The following PCSK6 variants were observed in gnomAD, a reference collection of about 807,000 sequenced individuals.
PCSK6 encodes paired basic amino acid cleaving enzyme 4.
Under a neutral mutation model 123.3 loss-of-function variants are expected in PCSK6, and 85 were observed. The observed-to-expected ratio is 0.69, with a 90% confidence interval of 0.58 to 0.83. The LOEUF is 0.83. Among genes scored for constraint, PCSK6 ranks in the 40% least tolerant of loss-of-function variants. The pLI is 0.00. For synonymous variants in PCSK6, 508 were observed against 516.0 expected (o/e 0.98, Z 0.21); for missense variants, 1,191 against 1,282.3 (o/e 0.93, Z 1.09).
intron 1 of PCSK6, among the ~76,000 whole-genome samples, chr15:101,471,794 T>C (rs529266845): frequency 5.5e-4 from 84 of 152,284 alleles, no homozygotes; most frequent in African/African-American, 2.0e-3. Context: ...CCGGTCAACC[T>C]CCAGCTTTCA....
chr15:101,446,620 G>A (rs1463891002), intron 1 of PCSK6, among the ~76,000 whole-genome samples: 1 of 152,140 alleles, frequency 6.6e-6, no homozygotes, highest in African/African-American at 2.4e-5. Flanking sequence ...AGAGACCCTA[G>A]AGCCCACGAG....
At chr15:101,403,428 T>A (rs1421067955) in intron 6 of PCSK6, among the ~76,000 whole-genome samples, 4 of 145,008 alleles carry the variant, frequency 2.8e-5, no homozygotes, top group Non-Finnish European at 4.4e-5. Flanking sequence ...TAATAATAAT[T>A]AAAAAAAAAG....
chr15:101,459,110 T>C (rs187338968), intron 1 of PCSK6, among the ~76,000 whole-genome samples: 249 of 152,254 alleles, frequency 1.6e-3, no homozygotes, highest in African/African-American at 5.8e-3. Flanking sequence ...GCCTCACTGC[T>C]AGCTCCGCCC....
Position 101,331,901 on chromosome 15 carries a change from G to A in PCSK6, c.1989C>T (p.Ala663=). Reference sequence around the variant, plus strand: ...GAACTTCCACCTGGGAGGGTGACAGGGCAGCCTTGGGTGGCTCCAGCTCTG... The same window carrying A: ...GAACTTCCACCTGGGAGGGTGACAGAGCAGCCTTGGGTGGCTCCAGCTCTG... ...SAPELEPPKA[A]LSPSQVEVPE... is the part of the protein sequence containing the mutation. The change falls in exon 14 of 22, where the codon GCC becomes GCT. Residue 663 remains alanine, a synonymous_variant. Transcript: ENST00000611716. The A allele has an allele frequency of 6.8e-6, 11 of 1,613,742 alleles. No individual in the cohort carries two copies. The highest frequency in any genetic ancestry group is 9.3e-6 in the Non-Finnish European group (11 of 1,179,782).
intron 13 of PCSK6, among the ~76,000 whole-genome samples, chr15:101,362,823 T>A (rs1422853570): frequency 6.6e-6 from 1 of 152,198 alleles, no homozygotes; most frequent in Admixed American, 6.5e-5. Context: ...GTAGAAGGGC[T>A]CCTGAGCCCC....
chr15:101,389,754 C>A (rs751612078), intron 8 of PCSK6, among the ~76,000 whole-genome samples, 190 bp from the exon 9 acceptor site: 6 of 152,182 alleles, frequency 3.9e-5, no homozygotes, highest in Non-Finnish European at 7.4e-5. Flanking sequence ...CCTGCTAAAT[C>A]ACTTTGTAGG....
intron 13 of PCSK6, chr15:101,346,772 G>T: frequency 1.6e-6 from 2 of 1,230,238 alleles, no homozygotes; most frequent in Non-Finnish European, 2.0e-6. Flanking sequence ...GCAAAAATTA[G>T]CTATGAGGTG....
In PCSK6 at chr15:101,304,682, CTATG is replaced by C. The variant is rs1313187396; in HGVS notation, c.*572_*575del. On this transcript the variant is annotated 3_prime_UTR_variant, in exon 22 of 22. Transcript: ENST00000611716. ...CTGCTGCAGTTTCAGAAGTAGCTGA[CTATG>C]TAGAAATAGATACTCCGGCCCCAGT... The C allele has an allele frequency of 6.6e-6, 1 of 152,460 alleles. No homozygotes were observed. The highest frequency in any genetic ancestry group is 2.4e-5 in the African/African-American group (1 of 41,458). The allele number at this position is 152,460 out of a possible 1,614,324, so 9.4% of individuals were successfully genotyped here.
At chr15:101,452,332 C>T (rs1422097236) in intron 1 of PCSK6, among the ~76,000 whole-genome samples, 1 of 152,212 alleles carries the variant, frequency 6.6e-6, no homozygotes, top group African/African-American at 2.4e-5. Context: ...GAAAAAACTA[C>T]AATCCTGACT....
intron 1 of PCSK6, among the ~76,000 whole-genome samples, chr15:101,469,095 G>C (rs1031281686): frequency 6.6e-6 from 1 of 152,026 alleles, no homozygotes; most frequent in Non-Finnish European, 1.5e-5. Flanking sequence ...AGCGCTATGA[G>C]AAACACGTGT....
intron 1 of PCSK6, among the ~76,000 whole-genome samples, chr15:101,446,494 G>A (rs370417746): frequency 2.7e-4 from 41 of 152,268 alleles, no homozygotes; most frequent in African/African-American, 8.4e-4. Context: ...ATTCTTTTGG[G>A]TATATATCCA....
chr15:101,449,272 T>C (rs929046172), intron 1 of PCSK6, among the ~76,000 whole-genome samples: 6 of 152,360 alleles, frequency 3.9e-5, no homozygotes, highest in African/African-American at 1.2e-4. Context: ...TGTTATACCA[T>C]ATTGTTTAAG....
chr15:101,337,901 G>C (rs1317290169), intron 13 of PCSK6, among the ~76,000 whole-genome samples: 2 of 152,208 alleles, frequency 1.3e-5, no homozygotes, highest in Non-Finnish European at 2.9e-5. Context: ...GGTTATGACA[G>C]AACGTTTAGT....
intron 13 of PCSK6, among the ~76,000 whole-genome samples, chr15:101,348,705 C>T (rs554399645): frequency 6.6e-6 from 1 of 152,304 alleles, no homozygotes; most frequent in South Asian, 2.1e-4. Context: ...TCCCCAGGCC[C>T]GTTGAAGTAG....
At chr15:101,319,471 CAA>C (rs1269159744) in intron 18 of PCSK6, among the ~76,000 whole-genome samples, 2 of 152,194 alleles carry the variant, frequency 1.3e-5, no homozygotes, top group Non-Finnish European at 2.9e-5. Context: ...TTGGAATTAT[CAA>C]AGTGCTAAAT....
rs117281170 is a variant in PCSK6, at chr15:101,379,296, G to A, written c.1532+2796C>T. Reference sequence around the variant, plus strand: ...CCTGCCCGTGACCAGAGGGGTGGACGTATGAACACCCCAGCCCCTCTCCCT... The same window carrying A: ...CCTGCCCGTGACCAGAGGGGTGGACATATGAACACCCCAGCCCCTCTCCCT... On this transcript the variant is annotated intron_variant, in intron 11 of 21. Transcript: ENST00000611716. 6.2e-4 allele frequency among the ~76,000 whole-genome samples: 95 copies of A among 152,308 alleles called. 1 individual carries two copies. The highest frequency in any genetic ancestry group is 2.2e-3 in the African/African-American group (91 of 41,582).
At chr15:101,347,189 A>G in intron 13 of PCSK6, 2 of 1,231,788 alleles carry the variant, frequency 1.6e-6, no homozygotes, top group Non-Finnish European at 2.0e-6. Context: ...ATGTGCTTTA[A>G]ATCTGTCTTC....
chr15:101,332,131 G>T (rs1014320199), intron 13 of PCSK6, 100 bp from the exon 14 acceptor site: 1 of 1,111,170 alleles, frequency 9.0e-7, no homozygotes, highest in Non-Finnish European at 1.3e-6. Flanking sequence ...CTGATAGCTG[G>T]GCTCTGGCCT....
At chr15:101,460,689 G>A (rs903548105) in intron 1 of PCSK6, among the ~76,000 whole-genome samples, 3 of 152,298 alleles carry the variant, frequency 2.0e-5, no homozygotes, top group South Asian at 4.1e-4. Flanking sequence ...TGATTTCCAA[G>A]AAAGCATAGT....
Sources: gnomAD v4.1 joint callset for allele counts (sites outside exome capture counted in the v4.1 genomes callset) on GRCh38, gnomAD v4.1.1 for gene constraint, MANE v1.5 for transcripts, NCBI Gene and HGNC (gene_info 2026-07-23, HGNC 2026-07-21) for gene names.